SKOR2: variants seen among roughly 807,000 people sequenced by gnomAD.
SKOR2 encodes SKI family transcriptional corepressor 2.
Under a neutral mutation model 69.1 loss-of-function variants are expected in SKOR2, and 47 were observed. The ratio of observed to expected loss-of-function variants is 0.68; its 90% CI spans 0.54 to 0.87. SKOR2 has a LOEUF of 0.87. SKOR2 is among the 40% of genes least tolerant of loss of function. The probability of loss-of-function intolerance (pLI) is 0.00; values close to 1 mark genes in which losing one functional copy is unlikely to be tolerated. For missense variants in SKOR2, 1,404 were observed against 1,472.2 expected (o/e 0.95, Z 0.76); for synonymous variants, 717 against 672.6 (o/e 1.07, Z -1.02).
In SKOR2 at chr18:47,247,882, C is replaced by T. The variant is rs1460187275; in HGVS notation, c.1302G>A (p.Leu434=). ...KEDAGAAAEA[L]GGAGAGGAGA... is the part of the protein sequence containing the mutation. ...CCGCGCCGCCTGCGCCCGCGCCCCC[C>T]AGGGCCTCAGCGGCGGCACCCGCAT... The change falls in exon 2 of 9, where the codon CTG becomes CTA. Residue 434 remains leucine (L), a synonymous_variant. Coordinates refer to ENST00000425639, the MANE Select transcript of SKOR2 (RefSeq NM_001278063.4). This position sits in a 1 kb window ranked among gnomAD's most constrained non-coding sequence, Gnocchi z 6.6. The T allele has an allele frequency of 5.9e-6, 8 of 1,362,310 alleles. No homozygotes were observed. Among genetic ancestry groups the T allele is most frequent in the Middle Eastern group, 2.1e-4 (1 of 4,770 alleles). The allele number at this position is 1,362,310 out of a possible 1,614,324, so 84.4% of individuals were successfully genotyped here.
At chr18:47,232,434 T>A (rs1229960880) in intron 4 of SKOR2, among the ~76,000 whole-genome samples, 1 of 152,208 alleles carries the variant, frequency 6.6e-6, no homozygotes, top group Non-Finnish European at 1.5e-5. Flanking sequence ...TCAGAATTTT[T>A]AAAAAATTCA....
Position 47,246,638 on chromosome 18 carries a change from C to A in SKOR2, c.2546G>T (p.Gly849Val), listed in dbSNP as rs1252712461. Residue 849 changes from glycine to valine, a missense_variant, in exon 2 of 9, where the codon GGC becomes GTC. Gly to Val is a moderately radical substitution (Grantham distance 109). This residue lies in a region of SKOR2 where 1,266 missense variants were observed against 1,309.9 expected (regional missense o/e 0.97). Transcript: ENST00000425639. ...PPLAPQKASG[G>V]GSSSPGSPVH... ...TGGGCTGCCCGGGCTGCTGCTGCCG[C>A]CGCCACTCGCCTTCTGGGGGGCCAG... 1 of 1,519,684 alleles carries A rather than the reference C, an allele frequency of 6.6e-7. No homozygotes were observed. The highest frequency in any genetic ancestry group is 1.4e-5 in the African/African-American group (1 of 70,702). 94.1% of individuals were successfully genotyped at this position (1,519,684 alleles called of 1,614,324 possible). A position where few individuals can be genotyped will look rare whatever the true frequency, so the allele number is the denominator to read the frequency against.
At chr18:47,208,410 C>T (rs922736389) in intron 8 of SKOR2, among the ~76,000 whole-genome samples, 3 of 152,092 alleles carry the variant, frequency 2.0e-5, no homozygotes, top group African/African-American at 7.2e-5. Context: ...CTATCATTTC[C>T]AGTTTGGCCA....
chr18:47,229,246 G>T (rs1040831178), intron 6 of SKOR2, among the ~76,000 whole-genome samples: 1 of 152,106 alleles, frequency 6.6e-6, no homozygotes, highest in African/African-American at 2.4e-5. Flanking sequence ...GAATCATCTG[G>T]CACAGGAATT....
chr18:47,246,607 G>A lies in SKOR2; in HGVS notation c.2577C>T (p.His859=), dbSNP rs2064274545. 3 of 1,525,030 alleles carry A rather than the reference G, an allele frequency of 2.0e-6. No individual in the cohort carries two copies. Among genetic ancestry groups the A allele is most frequent in the African/African-American group, 1.4e-5 (1 of 71,254 alleles). 94.5% of individuals were successfully genotyped at this position (1,525,030 alleles called of 1,614,324 possible). A position where few individuals can be genotyped will look rare whatever the true frequency, so the allele number is the denominator to read the frequency against. ...GGSSSPGSPV[H]HPSLEEQPSY... Reference sequence around the variant, plus strand: ...AGGGCTGCTCCTCCAGTGATGGATGGTGAACTGGGCTGCCCGGGCTGCTGC... The same window carrying A: ...AGGGCTGCTCCTCCAGTGATGGATGATGAACTGGGCTGCCCGGGCTGCTGC... The change falls in exon 2 of 9, where the codon CAC becomes CAT. Residue 859 remains histidine, a synonymous_variant. Transcript: ENST00000425639.
chr18:47,221,722 C>T (rs889756809), intron 6 of SKOR2, among the ~76,000 whole-genome samples: 1 of 152,184 alleles, frequency 6.6e-6, no homozygotes, highest in African/African-American at 2.4e-5. Flanking sequence ...TGTATTAATG[C>T]ATCCATAATA....
chr18:47,250,196 A>G (rs777433376), intron 1 of SKOR2, among the ~76,000 whole-genome samples: 1 of 152,158 alleles, frequency 6.6e-6, no homozygotes, highest in Non-Finnish European at 1.5e-5. Flanking sequence ...TGATATCTCT[A>G]TATCTTTATG....
At chr18:47,244,175 C>T (rs935338193) in intron 4 of SKOR2, among the ~76,000 whole-genome samples, 3 of 152,126 alleles carry the variant, frequency 2.0e-5, no homozygotes, top group Non-Finnish European at 2.9e-5. Flanking sequence ...GCTCTCTACA[C>T]CACTCTCTCT....
chr18:47,245,313 T>C (rs968385805), intron 3 of SKOR2, among the ~76,000 whole-genome samples, 185 bp downstream of exon 3: 1 of 152,084 alleles, frequency 6.6e-6, no homozygotes, highest in Admixed American at 6.5e-5. Context: ...TGGCAAACTA[T>C]AGAAATGTTG....
At chr18:47,219,279 T>A (rs1048564712) in intron 7 of SKOR2, among the ~76,000 whole-genome samples, 10 of 152,198 alleles carry the variant, frequency 6.6e-5, no homozygotes, top group African/African-American at 2.2e-4. Context: ...GGGAGACTCC[T>A]TTAAAAGCCC....
At position 47,249,133 on chromosome 18, in the gene SKOR2, C is replaced by T. The variant is rs757136013; in HGVS notation, c.51G>A (p.Pro17=). The T allele has an allele frequency of 5.9e-6, 9 of 1,535,844 alleles. 1 individual carries two copies. In the Middle Eastern group the frequency reaches 6.7e-4, roughly 114 times the overall value. Reference sequence around the variant, plus strand: ...GCGTGTCGGGCTGGAAGGCGCTCGACGGCGACGCCAGCAGGATGTCGTTGG... The same window carrying T: ...GCGTGTCGGGCTGGAAGGCGCTCGATGGCGACGCCAGCAGGATGTCGTTGG... ...PGPNDILLAS[P]SSAFQPDTLS... Residue 17 remains proline (P), a synonymous_variant, in exon 2 of 9, where the codon CCG becomes CCA. Transcript: ENST00000425639.
intron 6 of SKOR2, among the ~76,000 whole-genome samples, chr18:47,226,693 C>T (rs2064179894): frequency 6.6e-6 from 1 of 152,182 alleles, no homozygotes; most frequent in Non-Finnish European, 1.5e-5. Flanking sequence ...ACAGTCACTA[C>T]AAGAATGTCA....
rs1356261880 is a variant in SKOR2 at position 47,248,614 on chromosome 18, G to T, written c.570C>A (p.Ser190=). 1.3e-6 allele frequency: 2 copies of T among 1,547,234 alleles called. No individual in the cohort carries two copies. The highest frequency in any genetic ancestry group is 2.4e-5 in the East Asian group (1 of 41,638). Residue 190 remains serine (S), a synonymous_variant, in exon 2 of 9, where the codon TCC becomes TCA. Coordinates refer to ENST00000425639, the MANE Select transcript of SKOR2 (RefSeq NM_001278063.4). This position sits in a 1 kb window ranked among gnomAD's most constrained non-coding sequence, Gnocchi z 6.4. ...TGTACTTGGCGTCGGGCGTGCGGTGGGAGTGGAAAATGAACTTGTTGGGCG... is the reference window on the plus strand; with the variant it reads ...TGTACTTGGCGTCGGGCGTGCGGTGTGAGTGGAAAATGAACTTGTTGGGCG... ...YFSPNKFIFH[S]HRTPDAKYTQ...
chr18:47,209,870 C>T (rs563302296), intron 8 of SKOR2, among the ~76,000 whole-genome samples: 1 of 152,208 alleles, frequency 6.6e-6, no homozygotes, highest in East Asian at 1.9e-4. Context: ...AGCAGGAGGA[C>T]TGCTTGAACC....
chr18:47,247,135 G>A lies in SKOR2; in HGVS notation c.2049C>T (p.Pro683=). Reference sequence around the variant, plus strand: ...GGTGGCGCTCGGAACCCGGCTCGTCGGGCTGCGGGGGCAGCAGCAGAAGCG... The same window carrying A: ...GGTGGCGCTCGGAACCCGGCTCGTCAGGCTGCGGGGGCAGCAGCAGAAGCG... ...PSPLLLLPPQ[P]DEPGSERHHP... is the part of the protein sequence containing the mutation. Residue 683 remains proline (P), a synonymous_variant, in exon 2 of 9, where the codon CCC becomes CCT. Transcript: ENST00000425639. The surrounding 1 kb of genome is among the most constrained non-coding windows in gnomAD (Gnocchi z 6.6). The A allele has an allele frequency of 7.8e-7, 1 of 1,277,188 alleles. No homozygotes were observed. Among genetic ancestry groups the A allele is most frequent in the South Asian group, 2.9e-5 (1 of 34,016 alleles). 79.1% of individuals were successfully genotyped at this position (1,277,188 alleles called of 1,614,324 possible).
At chr18:47,209,199 T>G (rs1298571034) in intron 8 of SKOR2, among the ~76,000 whole-genome samples, 1 of 152,158 alleles carries the variant, frequency 6.6e-6, no homozygotes, top group African/African-American at 2.4e-5. Context: ...CTCGCTCAGC[T>G]TATTAAGTGG....
At chr18:47,217,894 T>C (rs1216475822) in intron 7 of SKOR2, among the ~76,000 whole-genome samples, 2 of 152,198 alleles carry the variant, frequency 1.3e-5, no homozygotes, top group East Asian at 1.9e-4. Flanking sequence ...TTTAATTTGC[T>C]ACCAGGAATA....
At chr18:47,231,631 G>A (rs1010003743) in intron 4 of SKOR2, among the ~76,000 whole-genome samples, 1 of 152,044 alleles carries the variant, frequency 6.6e-6, no homozygotes, top group Admixed American at 6.6e-5. Flanking sequence ...ATCACTTGAC[G>A]TCAGGAGTTC....
Position 47,246,593 on chromosome 18 carries a change from T to G in SKOR2, c.2591A>C (p.Glu864Ala). 1 of 1,521,906 alleles carries G rather than the reference T, an allele frequency of 6.6e-7. No homozygotes were observed. The highest frequency in any genetic ancestry group is 2.0e-5 in the Admixed American group (1 of 49,728). 94.3% of individuals were successfully genotyped at this position (1,521,906 alleles called of 1,614,324 possible). Residue 864 changes from glutamate to alanine, a missense_variant, in exon 2 of 9, where the codon GAG becomes GCG. Physicochemically the swap from Glu to Ala is moderately radical, Grantham distance 107. This residue lies in a region of SKOR2 where 1,266 missense variants were observed against 1,309.9 expected (regional missense o/e 0.97). Coordinates refer to ENST00000425639, the MANE Select transcript of SKOR2 (RefSeq NM_001278063.4). ...TACATCTTTGTAGGAGGGCTGCTCC[T>G]CCAGTGATGGATGGTGAACTGGGCT... ...PGSPVHHPSLEEQPSYKDSQK... is the reference protein window; with the variant it reads ...PGSPVHHPSLAEQPSYKDSQK...
Sources: gnomAD v4.1 joint callset for allele counts (sites outside exome capture counted in the v4.1 genomes callset) on GRCh38, gnomAD v4.1.1 for gene constraint, gnomAD v4.1.1 regional missense constraint, Gnocchi (gnomAD v3.1) non-coding constraint, MANE v1.5 for transcripts, NCBI Gene and HGNC (gene_info 2026-07-23, HGNC 2026-07-21) for gene names.